The following STAM2 variants were observed in gnomAD, a reference collection of about 807,000 sequenced individuals.
The protein encoded by STAM2 is signal transducing adapter molecule 2.
STAM2 carries 51 observed loss-of-function variants against 65.6 expected under a neutral mutation model. The observed-to-expected ratio is 0.78, with a 90% CI of 0.62 to 0.98. The LOEUF is 0.98. STAM2 is among the 50% of genes least tolerant of loss of function. The pLI is 0.00. For missense variants in STAM2, 584 were observed against 617.8 expected, an observed-to-expected ratio of 0.95 and a Z score of 0.58; for synonymous variants, 198 against 208.4, an observed-to-expected ratio of 0.95 and a Z score of 0.43.
intron 1 of STAM2, among the ~76,000 whole-genome samples, chr2:152,171,196 A>G (rs763850789): frequency 3.9e-5 from 6 of 152,214 alleles, no homozygotes; most frequent in Non-Finnish European, 7.3e-5. Context: ...TAAAAATACT[A>G]AAGTATTTCA....
intron 11 of STAM2, among the ~76,000 whole-genome samples, chr2:152,126,856 G>A (rs888695647): frequency 5.9e-5 from 9 of 152,126 alleles, no homozygotes; most frequent in African/African-American, 1.9e-4. Flanking sequence ...GACTGTGGGC[G>A]GAGTCTTCAT....
rs1391405575 is a variant in STAM2, at chr2:152,119,529, C to T, written c.*1045G>A. The T allele has an allele frequency of 1.3e-5, 2 of 152,164 alleles. No homozygotes were observed. Among genetic ancestry groups the T allele is most frequent in the Non-Finnish European group, 2.9e-5 (2 of 68,030 alleles). 9.4% of individuals were successfully genotyped at this position (152,164 alleles called of 1,614,324 possible). Reference sequence around the variant, plus strand: ...AAAACAACACACCACTAAAAACACACTTATCATCCATGCTTGGTATATCTC... The same window carrying T: ...AAAACAACACACCACTAAAAACACATTTATCATCCATGCTTGGTATATCTC... On this transcript the variant is annotated 3_prime_UTR_variant, in exon 14 of 14. Coordinates refer to ENST00000263904, the MANE Select transcript of STAM2 (RefSeq NM_005843.6).
rs1689098884 is a variant in STAM2 at position 152,133,397 on chromosome 2, C to G, written c.882+5G>C. The G allele has an allele frequency of 6.2e-7, 1 of 1,607,328 alleles. No individual in the cohort carries two copies. The highest frequency in any genetic ancestry group is 1.7e-5 in the Admixed American group (1 of 59,412). On this transcript the variant is annotated splice_donor_5th_base_variant and intron_variant, in intron 9 of 13. Coordinates refer to ENST00000263904, the MANE Select transcript of STAM2 (RefSeq NM_005843.6). ...TTTAACTATTAAACAAAAGAGGGAC[C>G]CTACCTCATCTATATAAACAGGCTC...
chr2:152,144,505 T>C (rs1329178897), intron 6 of STAM2, among the ~76,000 whole-genome samples: 3 of 152,210 alleles, frequency 2.0e-5, no homozygotes, highest in Non-Finnish European at 4.4e-5. Flanking sequence ...GCTAGTTTTA[T>C]TATCATTTTT....
chr2:152,133,253 A>G lies in STAM2; in HGVS notation c.890T>C (p.Met297Thr). Reference protein sequence around the residue: ...PEPVYIDEDKMDRALQVLQSI... With the variant: ...PEPVYIDEDKTDRALQVLQSI... ...CTGAAGTACCTGCAGGGCTCTATCCATCTTATCCTAAAAAAGTAACAGGAC... is the reference window on the plus strand; with the variant it reads ...CTGAAGTACCTGCAGGGCTCTATCCGTCTTATCCTAAAAAAGTAACAGGAC... The change falls in exon 10 of 14, where the codon ATG becomes ACG. Residue 297 changes from methionine to threonine, a missense_variant. Physicochemically the swap from Met to Thr is moderately conservative, Grantham distance 81. Transcript: ENST00000263904. The G allele has an allele frequency of 6.2e-7, 1 of 1,607,762 alleles. No individual in the cohort carries two copies. Among genetic ancestry groups the G allele is most frequent in the Non-Finnish European group, 8.5e-7 (1 of 1,177,378 alleles).
At chr2:152,139,103 CAAAA>C (rs1329744581) in intron 7 of STAM2, among the ~76,000 whole-genome samples, 1 of 151,862 alleles carries the variant, frequency 6.6e-6, no homozygotes, top group East Asian at 1.9e-4. Context: ...ATGTTGATAG[CAAAA>C]AAACATTGTT....
chr2:152,147,414 A>T, intron 4 of STAM2, 106 bp from the exon 5 acceptor site: 1 of 1,101,884 alleles, frequency 9.1e-7, no homozygotes, highest in South Asian at 2.0e-5. Flanking sequence ...TAATTATATG[A>T]ACATCAACAA....
chr2:152,154,854 C>A (rs1334175360), intron 1 of STAM2, among the ~76,000 whole-genome samples: 1 of 152,164 alleles, frequency 6.6e-6, no homozygotes, highest in Non-Finnish European at 1.5e-5. Context: ...TACAGAGTGG[C>A]CACAAAGTCC....
intron 1 of STAM2, among the ~76,000 whole-genome samples, chr2:152,168,563 C>T (rs1333665070): frequency 6.6e-6 from 1 of 152,194 alleles, no homozygotes; most frequent in Non-Finnish European, 1.5e-5. Context: ...GTTGTATATT[C>T]ACTGGCAGAA....
In STAM2 at chr2:152,118,699, A is replaced by AT. The variant is rs34533478; in HGVS notation, c.*1874dup. The AT allele has an allele frequency of 4.0e-5, 6 of 151,352 alleles. No individual in the cohort carries two copies. Among genetic ancestry groups the AT allele is most frequent in the African/African-American group, 1.5e-4 (6 of 41,262 alleles). The allele number at this position is 151,352 out of a possible 1,614,324, so 9.4% of individuals were successfully genotyped here. A position where few individuals can be genotyped will look rare whatever the true frequency, so the allele number is the denominator to read the frequency against. ...TGACTATTATCGAGAGCAGCTTTGG[A>AT]TTTTTTTTAAATGTTTTTTAAAAAT... On this transcript the variant is annotated 3_prime_UTR_variant, in exon 14 of 14. Coordinates refer to ENST00000263904, the MANE Select transcript of STAM2 (RefSeq NM_005843.6).
chr2:152,173,217 A>G (rs1180918315), intron 1 of STAM2, among the ~76,000 whole-genome samples: 3 of 151,560 alleles, frequency 2.0e-5, no homozygotes, highest in African/African-American at 7.3e-5. Flanking sequence ...GACCAAAAAA[A>G]AAAAAGGGTA....
intron 13 of STAM2, among the ~76,000 whole-genome samples, chr2:152,121,934 G>A (rs1486267697): frequency 2.0e-5 from 3 of 151,904 alleles, no homozygotes; most frequent in African/African-American, 7.3e-5. Context: ...TGTAGTCCCA[G>A]CTACTCAGGA....
chr2:152,117,174 C>A lies in STAM2; in HGVS notation c.*3400G>T, dbSNP rs568124762. The A allele has an allele frequency of 6.6e-6, 1 of 152,238 alleles. No homozygotes were observed. The highest frequency in any genetic ancestry group is 1.5e-5 in the Non-Finnish European group (1 of 68,004). The allele number at this position is 152,238 out of a possible 1,614,324, so 9.4% of individuals were successfully genotyped here. ...AATTCAGCTTGATAAAATTAGAATT[C>A]TTCTTCTGGGGAATTTTCTTTTTGA... On this transcript the variant is annotated 3_prime_UTR_variant, in exon 14 of 14. Coordinates refer to ENST00000263904, the MANE Select transcript of STAM2 (RefSeq NM_005843.6).
At chr2:152,170,932 G>A (rs904908256) in intron 1 of STAM2, among the ~76,000 whole-genome samples, 4 of 152,126 alleles carry the variant, frequency 2.6e-5, no homozygotes, top group Non-Finnish European at 2.9e-5. Flanking sequence ...GGAAGCAGAG[G>A]TTGCAGTGAG....
intron 1 of STAM2, among the ~76,000 whole-genome samples, chr2:152,174,418 G>C (rs1038997464): frequency 6.6e-6 from 1 of 152,012 alleles, no homozygotes; most frequent in Admixed American, 6.5e-5. Context: ...CCAGTCACCT[G>C]TATTCATCCA....
In STAM2 at chr2:152,133,410, T is replaced by A. The variant is rs778505784; in HGVS notation, c.874A>T (p.Ile292Leu). 15 of 1,612,098 alleles carry A rather than the reference T, an allele frequency of 9.3e-6. No individual in the cohort carries two copies. Among genetic ancestry groups the A allele is most frequent in the Non-Finnish European group, 1.2e-5 (14 of 1,178,892 alleles). The stretch of plus-strand genomic sequence containing the variant: ...CAAAAGAGGGACCCTACCTCATCTA[T>A]ATAAACAGGCTCAGGCTCTGATTTC... The part of the protein sequence containing the change: ...IKKSEPEPVY[I>L]DEDKMDRALQ... Residue 292 changes from isoleucine (I) to leucine (L), a missense_variant, in exon 9 of 14, where the codon ATA (isoleucine) becomes TTA (leucine). Physicochemically the swap from Ile to Leu is conservative, Grantham distance 5. Coordinates refer to ENST00000263904, the MANE Select transcript of STAM2 (RefSeq NM_005843.6).
chr2:152,168,224 G>A (rs1019966329), intron 1 of STAM2, among the ~76,000 whole-genome samples: 4 of 151,704 alleles, frequency 2.6e-5, no homozygotes, highest in Non-Finnish European at 4.4e-5. Flanking sequence ...GCAGTGGCGC[G>A]ATCTTGGCTC....
intron 1 of STAM2, among the ~76,000 whole-genome samples, chr2:152,170,023 A>T (rs763172182): frequency 2.6e-5 from 4 of 151,928 alleles, no homozygotes; most frequent in Non-Finnish European, 5.9e-5. Context: ...TTTTCAGTAG[A>T]GACACGTTTC....
chr2:152,169,251 T>C (rs1240296573), intron 1 of STAM2, among the ~76,000 whole-genome samples: 1 of 152,162 alleles, frequency 6.6e-6, no homozygotes, highest in East Asian at 1.9e-4. Context: ...TTTTGTTTTA[T>C]TTTTTGGTGT....
Sources: allele counts gnomAD v4.1 joint callset (sites outside exome capture counted in the v4.1 genomes callset), GRCh38; gene constraint gnomAD v4.1.1; transcripts MANE v1.5; gene names NCBI Gene and HGNC (gene_info 2026-07-23, HGNC 2026-07-21).